GNA11: variants seen among roughly 807,000 people sequenced by gnomAD.
The protein encoded by GNA11 is G protein subunit alpha 11, also known as guanine nucleotide-binding protein subunit alpha-11.
In GNA11, 8 loss-of-function variants were observed where a neutral mutation model predicts 38.2. The observed-to-expected ratio is 0.21, with a 90% CI of 0.12 to 0.38. GNA11 has a LOEUF of 0.38. Among genes scored for constraint, GNA11 ranks in the 10% least tolerant of loss-of-function variants. GNA11 has a pLI of 1.00. For missense variants in GNA11, 268 were observed against 516.3 expected, an observed-to-expected ratio of 0.52 and a Z score of 4.66; for synonymous variants, 211 against 221.4, an observed-to-expected ratio of 0.95 and a Z score of 0.42.
chr19:3,101,684 A>G (rs1189106593), intron 1 of GNA11, among the ~76,000 whole-genome samples: 6 of 152,208 alleles, frequency 3.9e-5, no homozygotes, highest in Non-Finnish European at 7.3e-5. Flanking sequence ...TGTCCAGGCC[A>G]GTGCCCACAA....
At chr19:3,105,751 G>A (rs963983321) in intron 1 of GNA11, among the ~76,000 whole-genome samples, 2 of 152,216 alleles carry the variant, frequency 1.3e-5, no homozygotes, top group Non-Finnish European at 2.9e-5. Flanking sequence ...GCCGAGCAGC[G>A]GTCTGTGCGT....
chr19:3,114,931 C>G lies in GNA11; in HGVS notation c.477-13C>G, dbSNP rs377100062. ...CCCGGCAGCCGGCCTGAGCACCCAC[C>G]GCTGTGTTGCAGCTACCTGACCGAC... On this transcript the variant is annotated splice_polypyrimidine_tract_variant and intron_variant, in intron 3 of 6. Transcript: ENST00000078429. 6.3e-7 allele frequency: 1 copy of G among 1,597,202 alleles called. No individual in the cohort carries two copies. Among genetic ancestry groups the G allele is most frequent in the Non-Finnish European group, 8.5e-7 (1 of 1,172,350 alleles).
chr19:3,094,577 C>A lies in GNA11; in HGVS notation c.-75C>A. The A allele has an allele frequency of 2.7e-6, 2 of 727,284 alleles. No individual in the cohort carries two copies. Among genetic ancestry groups the A allele is most frequent in the Non-Finnish European group, 3.3e-6 (2 of 598,438 alleles). The allele number at this position is 727,284 out of a possible 1,614,324, so 45.1% of individuals were successfully genotyped here. ...GGGCCGCGGCGGGCGGCGGCCGAGG[C>A]GGCTCCGGCCAGGGCCGGGCCGGGG... is the stretch of plus-strand genomic sequence containing the variant. On this transcript the variant is annotated 5_prime_UTR_variant, in exon 1 of 7. Transcript: ENST00000078429. The surrounding 1 kb of genome is among the most constrained non-coding windows in gnomAD (Gnocchi z 6.0).
rs941478730 is a variant in GNA11, at chr19:3,123,522, C to T, written c.*2343C>T. 4.3e-6 allele frequency: 1 copy of T among 233,164 alleles called. No individual in the cohort carries two copies. 14.4% of individuals were successfully genotyped at this position (233,164 alleles called of 1,614,324 possible). On this transcript the variant is annotated 3_prime_UTR_variant, in exon 7 of 7. Transcript: ENST00000078429. ...TGGGCATGTGGGGTGTGTGTTTTTA[C>T]CTTGGTGAATCTCACCTGCCAACGA... is the stretch of plus-strand genomic sequence containing the variant.
intron 1 of GNA11, among the ~76,000 whole-genome samples, chr19:3,099,085 T>A (rs1331161171): frequency 6.6e-6 from 1 of 152,086 alleles, no homozygotes; most frequent in Non-Finnish European, 1.5e-5. Context: ...AGGTTTCACT[T>A]TCTGAGTCTT....
At chr19:3,097,207 C>T (rs913394505) in intron 1 of GNA11, among the ~76,000 whole-genome samples, 1 of 112,658 alleles carries the variant, frequency 8.9e-6, no homozygotes, top group Non-Finnish European at 2.2e-5. Flanking sequence ...TGTTGGGCTG[C>T]AGCAGGTGGC....
Position 3,120,106 on chromosome 19 carries a change from G to A in GNA11, c.889+747G>A, listed in dbSNP as rs1452860827. On this transcript the variant is annotated intron_variant, in intron 6 of 6. Coordinates refer to ENST00000078429, the MANE Select transcript of GNA11 (RefSeq NM_002067.5). The surrounding 1 kb of genome is among the most constrained non-coding windows in gnomAD (Gnocchi z 5.9). ...GCTCTGGCGCCCTCATTTCCACCCCGGATCTGTGCTCCTCCCGTGAGTCTC... is the reference window on the plus strand; with the variant it reads ...GCTCTGGCGCCCTCATTTCCACCCCAGATCTGTGCTCCTCCCGTGAGTCTC... 3.9e-5 allele frequency among the ~76,000 whole-genome samples: 6 copies of A among 152,034 alleles called. No individual in the cohort carries two copies. Among genetic ancestry groups the A allele is most frequent in the Non-Finnish European group, 8.8e-5 (6 of 67,976 alleles).
At chr19:3,104,212 T>C (rs1158544709) in intron 1 of GNA11, among the ~76,000 whole-genome samples, 1 of 152,244 alleles carries the variant, frequency 6.6e-6, no homozygotes, top group African/African-American at 2.4e-5. Context: ...CCGTTTTCCT[T>C]TCCCACCGGG....
At chr19:3,100,706 C>T (rs1913481264) in intron 1 of GNA11, among the ~76,000 whole-genome samples, 2 of 152,154 alleles carry the variant, frequency 1.3e-5, no homozygotes, top group South Asian at 2.1e-4. Context: ...CTGGGCTGCC[C>T]TGGGCTGGCC....
intron 4 of GNA11, 137 bp from the exon 5 acceptor site, chr19:3,118,786 TC>T: frequency 1.3e-6 from 1 of 792,750 alleles, no homozygotes; most frequent in East Asian, 2.5e-5. Context: ...CCTTGCCCGT[TC>T]TAAGAGTGGG....
chr19:3,105,914 G>A (rs566470123), intron 1 of GNA11, among the ~76,000 whole-genome samples: 49 of 152,294 alleles, frequency 3.2e-4, no homozygotes, highest in African/African-American at 1.1e-3. Context: ...GAGACCGGGA[G>A]ATGAGGGCCG....
chr19:3,112,515 CAG>C (rs1437482356), intron 2 of GNA11, among the ~76,000 whole-genome samples: 4 of 152,220 alleles, frequency 2.6e-5, no homozygotes, highest in African/African-American at 9.6e-5. Flanking sequence ...GACGGGGACA[CAG>C]AGCATCAGGA....
chr19:3,101,860 G>A (rs1000422312), intron 1 of GNA11, among the ~76,000 whole-genome samples: 2 of 152,134 alleles, frequency 1.3e-5, no homozygotes, highest in Non-Finnish European at 1.5e-5. Flanking sequence ...TTGAGAGGCC[G>A]AGTCAGGCAG....
At chr19:3,113,799 G>C (rs1427710958) in intron 3 of GNA11, among the ~76,000 whole-genome samples, 3 of 152,188 alleles carry the variant, frequency 2.0e-5, no homozygotes, top group Admixed American at 2.0e-4. Flanking sequence ...TGGCCTGTGG[G>C]GGAAACCCAG....
intron 1 of GNA11, among the ~76,000 whole-genome samples, chr19:3,102,779 C>A (rs1913537688): frequency 6.6e-6 from 1 of 152,208 alleles, no homozygotes; most frequent in Admixed American, 6.5e-5. Flanking sequence ...TCCTCGGGCC[C>A]CTGCGTCAGG....
intron 4 of GNA11, among the ~76,000 whole-genome samples, chr19:3,116,876 G>C (rs559351599): frequency 4.1e-4 from 62 of 152,252 alleles, no homozygotes; most frequent in South Asian, 1.5e-3. Flanking sequence ...GGTTTTCCTC[G>C]AGAGCCCTGC....
intron 1 of GNA11, among the ~76,000 whole-genome samples, chr19:3,109,236 A>T (rs1913705969): frequency 6.7e-6 from 1 of 149,156 alleles, no homozygotes; most frequent in Admixed American, 6.6e-5. Context: ...CCAGGAGGTG[A>T]CCAGGTGAGA....
Position 3,119,356 on chromosome 19 carries a change from G to C in GNA11, c.886G>C (p.Asp296His). 1 of 1,613,414 alleles carries C rather than the reference G, an allele frequency of 6.2e-7. No homozygotes were observed. Among genetic ancestry groups the C allele is most frequent in the Middle Eastern group, 1.7e-4 (1 of 6,058 alleles). ...CCTGGTGGACTACTTCCCCGAGTTC[G>C]ATGGTGCGCCGGGCTGCGGCATGGG... ...SHLVDYFPEF[D>H]GPQRDAQAAR... Residue 296 changes from aspartate (D) to histidine (H), a missense_variant, in exon 6 of 7, where the codon GAT (aspartate) becomes CAT (histidine). Asp to His is a moderately conservative substitution (Grantham distance 81). Transcript: ENST00000078429. The surrounding 1 kb of genome is among the most constrained non-coding windows in gnomAD (Gnocchi z 4.6).
chr19:3,097,013 T>C (rs1913387856), intron 1 of GNA11, among the ~76,000 whole-genome samples: 1 of 152,144 alleles, frequency 6.6e-6, no homozygotes, highest in Non-Finnish European at 1.5e-5. Flanking sequence ...TGGGAGGACT[T>C]TGACCACCTG....
Sources: allele counts gnomAD v4.1 joint callset (sites outside exome capture counted in the v4.1 genomes callset), GRCh38; gene constraint gnomAD v4.1.1; non-coding constraint Gnocchi (gnomAD v3.1); transcripts MANE v1.5; gene names NCBI Gene and HGNC (gene_info 2026-07-23, HGNC 2026-07-21).